The following LRRC49 variants were observed in gnomAD, a reference collection of about 807,000 sequenced individuals.
The protein encoded by LRRC49 is leucine-rich repeat-containing protein 49.
A neutral mutation model predicts 83.3 loss-of-function variants in LRRC49; 50 were observed. The ratio of observed to expected loss-of-function variants is 0.60; its 90% CI spans 0.48 to 0.76. The LOEUF (loss-of-function observed/expected upper bound fraction) is 0.76. LRRC49 is among the 30% of genes least tolerant of loss of function. The pLI is 0.00. For synonymous variants in LRRC49, 286 were observed against 283.3 expected, an observed-to-expected ratio of 1.01 and a Z score of -0.10; for missense variants, 704 against 809.1, an observed-to-expected ratio of 0.87 and a Z score of 1.58.
intron 6 of LRRC49, among the ~76,000 whole-genome samples, chr15:70,912,948 A>T (rs2141124107): frequency 6.6e-6 from 1 of 152,284 alleles, no homozygotes; most frequent in Middle Eastern, 3.4e-3. Flanking sequence ...AAGTGCTGGG[A>T]TTACAGGCAT....
intron 9 of LRRC49, among the ~76,000 whole-genome samples, chr15:70,966,874 A>C (rs2036813622): frequency 6.6e-6 from 1 of 152,274 alleles, no homozygotes; most frequent in Non-Finnish European, 1.5e-5. Flanking sequence ...TTGTCTGCAG[A>C]GGCAACCATG....
intron 11 of LRRC49, among the ~76,000 whole-genome samples, chr15:71,001,841 G>A (rs577408453): frequency 1.6e-4 from 24 of 152,058 alleles, no homozygotes; most frequent in African/African-American, 4.6e-4. Context: ...ACAGGTGCCC[G>A]CCACCACGCC....
chr15:70,991,263 TATTGGAATCAAGTAA>T (rs1458931459), intron 11 of LRRC49, among the ~76,000 whole-genome samples: 1 of 152,214 alleles, frequency 6.6e-6, no homozygotes, highest in East Asian at 1.9e-4. Flanking sequence ...TAGAAAAGCA[TATTGGAATCAAGTAA>T]ATTCAGAGGG....
chr15:70,985,657 G>T (rs1410577292), intron 11 of LRRC49, among the ~76,000 whole-genome samples: 3 of 151,872 alleles, frequency 2.0e-5, no homozygotes, highest in Non-Finnish European at 1.5e-5. Flanking sequence ...GTCAATTTTG[G>T]CTTTTGTTGC....
At chr15:70,864,314 C>T (rs1271100730) in intron 1 of LRRC49, among the ~76,000 whole-genome samples, 1 of 152,104 alleles carries the variant, frequency 6.6e-6, no homozygotes, top group Admixed American at 6.5e-5. Context: ...ATCAGGATGA[C>T]TTCTAATTTG....
At chr15:70,956,013 T>C (rs2036388451) in intron 8 of LRRC49, among the ~76,000 whole-genome samples, 1 of 152,210 alleles carries the variant, frequency 6.6e-6, no homozygotes, top group Admixed American at 6.5e-5. Flanking sequence ...CTGATCAATA[T>C]AAAATAAGTG....
intron 1 of LRRC49, among the ~76,000 whole-genome samples, chr15:70,869,484 A>G (rs2032983629): frequency 6.6e-6 from 1 of 152,188 alleles, no homozygotes; most frequent in African/African-American, 2.4e-5. Context: ...AGTGTCTATC[A>G]AACACTGTAC....
At chr15:70,900,838 A>G (rs2034042223) in intron 3 of LRRC49, 84 bp from the exon 4 acceptor site, 1 of 778,724 alleles carries the variant, frequency 1.3e-6, no homozygotes. Context: ...TTATGGTGCT[A>G]AAATTCTCCA....
At chr15:70,889,801 A>T (rs1384900937), upstream of LRRC49, among the ~76,000 whole-genome samples, 1 of 152,158 alleles carries the variant, frequency 6.6e-6, no homozygotes, top group Non-Finnish European at 1.5e-5. Flanking sequence ...TCTGATTTTT[A>T]GACAGTTAGT....
intron 6 of LRRC49, among the ~76,000 whole-genome samples, chr15:70,914,879 A>G (rs1596014565): frequency 6.6e-6 from 1 of 152,204 alleles, no homozygotes; most frequent in Admixed American, 6.5e-5. Flanking sequence ...GGTTATCTTT[A>G]TCCAGGCAGA....
chr15:70,869,431 G>A (rs1176981373), intron 1 of LRRC49, among the ~76,000 whole-genome samples: 4 of 152,138 alleles, frequency 2.6e-5, no homozygotes, highest in South Asian at 2.1e-4. Flanking sequence ...AGTGGTAGGC[G>A]ATTGGCTGTA....
chr15:70,869,208 A>G (rs2032976577), intron 1 of LRRC49, among the ~76,000 whole-genome samples: 1 of 152,230 alleles, frequency 6.6e-6, no homozygotes, highest in East Asian at 1.9e-4. Flanking sequence ...ACTATATAAT[A>G]CATATATACT....
intron 11 of LRRC49, among the ~76,000 whole-genome samples, chr15:71,007,740 T>C (rs1194366804): frequency 1.6e-5 from 2 of 124,230 alleles, no homozygotes; most frequent in Non-Finnish European, 3.5e-5. Flanking sequence ...TATATATATA[T>C]AGTGTGTATA....
intron 15 of LRRC49, among the ~76,000 whole-genome samples, chr15:71,045,251 AC>A (rs2039820400): frequency 6.6e-6 from 1 of 152,164 alleles, no homozygotes; most frequent in South Asian, 2.1e-4. Context: ...TTCTTTTCTA[AC>A]TTTTTAATAA....
At chr15:70,990,272 T>G (rs941190514) in intron 11 of LRRC49, among the ~76,000 whole-genome samples, 29 of 152,320 alleles carry the variant, frequency 1.9e-4, no homozygotes, top group Non-Finnish European at 3.2e-4. Flanking sequence ...CTCCTTGAGC[T>G]GTGGTGGGCT....
intron 1 of LRRC49, among the ~76,000 whole-genome samples, chr15:70,855,153 GA>G: frequency 6.6e-6 from 1 of 152,176 alleles, no homozygotes; most frequent in South Asian, 2.1e-4. Context: ...CCAACATGGT[GA>G]AACCCTGTCT....
intron 1 of LRRC49, among the ~76,000 whole-genome samples, chr15:70,864,961 C>T (rs1392360433): frequency 1.3e-5 from 2 of 152,172 alleles, no homozygotes; most frequent in Admixed American, 6.5e-5. Context: ...AGGATCTTTG[C>T]TAGGCCCTCT....
At chr15:70,958,273 G>A (rs1389423844) in intron 8 of LRRC49, among the ~76,000 whole-genome samples, 1 of 151,850 alleles carries the variant, frequency 6.6e-6, no homozygotes, top group Non-Finnish European at 1.5e-5. Context: ...CCTTCATGAC[G>A]TTATTAATTT....
At chr15:70,942,704 T>G (rs1420112965) in intron 8 of LRRC49, among the ~76,000 whole-genome samples, 3 of 151,998 alleles carry the variant, frequency 2.0e-5, no homozygotes, top group Admixed American at 2.0e-4. Flanking sequence ...CACAAGGTGG[T>G]CAGGGTGCAG....
Sources: gnomAD v4.1 joint callset for allele counts (sites outside exome capture counted in the v4.1 genomes callset) on GRCh38, gnomAD v4.1.1 for gene constraint, MANE v1.5 for transcripts, NCBI Gene and HGNC (gene_info 2026-07-23, HGNC 2026-07-21) for gene names.